The following CLIP1 variants were observed in gnomAD, a reference collection of about 807,000 sequenced individuals.
CLIP1 encodes the protein CAP-Gly domain containing linker protein 1, also known as CAP-Gly domain-containing linker protein 1.
In CLIP1, 66 loss-of-function variants were observed where a neutral mutation model predicts 161.6. The ratio of observed to expected loss-of-function variants is 0.41; its 90% confidence interval spans 0.33 to 0.50. The LOEUF is 0.50. Among genes scored for constraint, CLIP1 ranks in the 20% least tolerant of loss-of-function variants. The pLI is 0.27. For missense variants in CLIP1, 1,376 were observed against 1,702.0 expected (o/e 0.81, Z 3.37); for synonymous variants, 598 against 626.2 (o/e 0.96, Z 0.67).
At chr12:122,336,609 T>G in intron 12 of CLIP1, 23 bp downstream of exon 12, 1 of 1,210,314 alleles carries the variant, frequency 8.3e-7, no homozygotes, top group Non-Finnish European at 1.2e-6. Context: ...ACCCTGAGAT[T>G]CAGATTCCCA....
In CLIP1 at chr12:122,362,639, C is replaced by CA. The variant is rs56183812; in HGVS notation, c.782+1343dup. Among the ~76,000 whole-genome samples, 32 of 19,130 alleles carry CA rather than the reference C, an allele frequency of 1.7e-3. 6 individuals carry two copies. The highest frequency in any genetic ancestry group is 0.013 in the East Asian group (5 of 396). The allele number at this position is 19,130 out of a possible 152,430, so 12.6% of individuals were successfully genotyped here. A position where few individuals can be genotyped will look rare whatever the true frequency, so the allele number is the denominator to read the frequency against. ...CTGGCAACAGAGCAAGACTCCATCTCAAAAAAAAAAAAAAAAAAAAAAAAA... is the reference window on the plus strand; with the variant it reads ...CTGGCAACAGAGCAAGACTCCATCTCAAAAAAAAAAAAAAAAAAAAAAAAAA... On this transcript the variant is annotated intron_variant, in intron 4 of 25. Transcript: ENST00000620786.
intron 1 of CLIP1, among the ~76,000 whole-genome samples, chr12:122,394,350 G>A (rs1460034117): frequency 4.6e-5 from 7 of 151,872 alleles, no homozygotes; most frequent in Non-Finnish European, 8.8e-5. Flanking sequence ...TCAGCTGGGC[G>A]TGGTGGCACG....
chr12:122,318,028 ATCTTC>A (rs1268677248), intron 18 of CLIP1, among the ~76,000 whole-genome samples: 2 of 152,200 alleles, frequency 1.3e-5, no homozygotes, highest in African/African-American at 4.8e-5. Context: ...AGTTTAAGTC[ATCTTC>A]TCTTAGGATT....
chr12:122,394,331 A>G (rs1955807615), intron 1 of CLIP1, among the ~76,000 whole-genome samples: 1 of 151,916 alleles, frequency 6.6e-6, no homozygotes, highest in Non-Finnish European at 1.5e-5. Context: ...TACTAAAAAT[A>G]CAAAAAAATC....
At chr12:122,363,445 G>A (rs1179493558) in intron 4 of CLIP1, among the ~76,000 whole-genome samples, 1 of 151,008 alleles carries the variant, frequency 6.6e-6, no homozygotes, top group Non-Finnish European at 1.5e-5. Flanking sequence ...GCACTGAGCC[G>A]AGATGGCGCC....
intron 1 of CLIP1, among the ~76,000 whole-genome samples, chr12:122,406,663 T>C (rs1956337327): frequency 6.6e-6 from 1 of 152,198 alleles, no homozygotes; most frequent in African/African-American, 2.4e-5. Flanking sequence ...GAAAATTATA[T>C]GTATTTAAAA....
At chr12:122,405,224 G>C (rs1956284524) in intron 1 of CLIP1, among the ~76,000 whole-genome samples, 1 of 150,086 alleles carries the variant, frequency 6.7e-6, no homozygotes. Flanking sequence ...TTCTGTCACT[G>C]CTGCATGGCT....
At chr12:122,403,588 G>A (rs769767397) in intron 1 of CLIP1, among the ~76,000 whole-genome samples, 10 of 143,892 alleles carry the variant, frequency 6.9e-5, no homozygotes, top group African/African-American at 1.3e-4. Context: ...GCATGATCTC[G>A]ACTCACTGCA....
At chr12:122,361,523 C>T (rs1052030927) in intron 4 of CLIP1, among the ~76,000 whole-genome samples, 2 of 152,142 alleles carry the variant, frequency 1.3e-5, no homozygotes, top group Admixed American at 6.5e-5. Context: ...CCGTGCCAAA[C>T]AAAGGGAAAG....
chr12:122,290,868 TTTTTTTTTA>T (rs1186261253), intron 20 of CLIP1, among the ~76,000 whole-genome samples: 7 of 146,930 alleles, frequency 4.8e-5, no homozygotes, highest in Admixed American at 4.1e-4. Flanking sequence ...CTTTTTTTTA[TTTTTTTTTA>T]TTTTTTTTAG....
chr12:122,335,185 G>A (rs1257629545), intron 12 of CLIP1, among the ~76,000 whole-genome samples: 1 of 152,200 alleles, frequency 6.6e-6, no homozygotes, highest in Non-Finnish European at 1.5e-5. Context: ...GTCACTTACA[G>A]TTCAAGGTCT....
intron 17 of CLIP1, among the ~76,000 whole-genome samples, chr12:122,319,578 T>C (rs917132136): frequency 1.3e-5 from 2 of 152,246 alleles, no homozygotes; most frequent in South Asian, 2.1e-4. Context: ...TCAATGTCAA[T>C]TGTTATGCAA....
intron 14 of CLIP1, among the ~76,000 whole-genome samples, chr12:122,333,542 AG>A (rs1952083130): frequency 6.6e-6 from 1 of 152,208 alleles, no homozygotes; most frequent in Non-Finnish European, 1.5e-5. Context: ...GAACAGGGGA[AG>A]GGGGTCCCAG....
intron 20 of CLIP1, among the ~76,000 whole-genome samples, chr12:122,294,875 A>T (rs1331794107): frequency 6.6e-6 from 1 of 152,116 alleles, no homozygotes; most frequent in African/African-American, 2.4e-5. Context: ...TAACATGGTG[A>T]AACTCCGTCT....
At chr12:122,406,543 T>C (rs1208239248) in intron 1 of CLIP1, among the ~76,000 whole-genome samples, 4 of 152,204 alleles carry the variant, frequency 2.6e-5, no homozygotes, top group Admixed American at 1.3e-4. Flanking sequence ...ACCTTAAGTG[T>C]TGATTTGAGA....
intron 1 of CLIP1, among the ~76,000 whole-genome samples, chr12:122,394,402 T>C (rs1054260720): frequency 6.8e-6 from 1 of 146,550 alleles, no homozygotes; most frequent in African/African-American, 2.5e-5. Context: ...GGCACGAGAA[T>C]CGTTTGAAGC....
intron 1 of CLIP1, among the ~76,000 whole-genome samples, chr12:122,416,094 T>A (rs1956745615): frequency 1.3e-5 from 2 of 149,878 alleles, no homozygotes; most frequent in African/African-American, 4.9e-5. Context: ...AAAAACTATC[T>A]GGGCGTGGTG....
intron 3 of CLIP1, among the ~76,000 whole-genome samples, chr12:122,375,428 T>C (rs1046219390): frequency 1.3e-5 from 2 of 152,038 alleles, no homozygotes; most frequent in African/African-American, 4.8e-5. Context: ...CCAATTCTCC[T>C]GCCTCAGCTT....
At chr12:122,386,391 T>A (rs1434359084) in intron 1 of CLIP1, among the ~76,000 whole-genome samples, 1 of 152,136 alleles carries the variant, frequency 6.6e-6, no homozygotes, top group Non-Finnish European at 1.5e-5. Flanking sequence ...AAGGAAGCTA[T>A]GAAGAAAACG....
Sources: allele counts gnomAD v4.1 joint callset (sites outside exome capture counted in the v4.1 genomes callset), GRCh38; gene constraint gnomAD v4.1.1; transcripts MANE v1.5; gene names NCBI Gene and HGNC (gene_info 2026-07-23, HGNC 2026-07-21).